Variants in IGFBP7 observed in about 807,000 individuals in gnomAD.
The protein encoded by IGFBP7 is insulin like growth factor binding protein 7, also known as insulin-like growth factor-binding protein 7.
A neutral mutation model predicts 29.4 loss-of-function variants in IGFBP7; 31 were observed. That is an observed-to-expected ratio of 1.05 (90% CI 0.79 to 1.42). The LOEUF is 1.42. IGFBP7 is among the 40% of genes most tolerant of loss of function. IGFBP7 has a pLI of 0.00. For missense variants in IGFBP7, 393 were observed against 395.5 expected (o/e 0.99, Z 0.05); for synonymous variants, 172 against 174.9 (o/e 0.98, Z 0.13).
chr4:57,100,104 C>T (rs1455788675), intron 1 of IGFBP7, among the ~76,000 whole-genome samples: 3 of 118,748 alleles, frequency 2.5e-5, no homozygotes, highest in Admixed American at 1.9e-4. Context: ...AGCGTCTCAC[C>T]TTGTCATCTA....
At chr4:57,032,331 T>C in intron 4 of IGFBP7, 95 bp downstream of exon 4, 1 of 1,522,904 alleles carries the variant, frequency 6.6e-7, no homozygotes, top group South Asian at 1.3e-5. Context: ...CAGAATTTCA[T>C]CAATAGCTAC....
At chr4:57,032,702 G>C in intron 3 of IGFBP7, 150 bp from the exon 4 acceptor site, 1 of 692,258 alleles carries the variant, frequency 1.4e-6, no homozygotes, top group South Asian at 1.6e-5. Flanking sequence ...CCTGTGATAG[G>C]AGACTTCGAT....
intron 1 of IGFBP7, among the ~76,000 whole-genome samples, chr4:57,060,547 C>T (rs910901363): frequency 2.0e-5 from 3 of 152,174 alleles, no homozygotes; most frequent in Non-Finnish European, 2.9e-5. Context: ...CTTTCTTACT[C>T]AGGCACCAGT....
At chr4:57,105,954 A>T (rs1055777595) in intron 1 of IGFBP7, among the ~76,000 whole-genome samples, 17 of 140,028 alleles carry the variant, frequency 1.2e-4, no homozygotes, top group Admixed American at 4.6e-4. Flanking sequence ...TTGCCCAGGC[A>T]GGAGTGCAGT....
intron 1 of IGFBP7, among the ~76,000 whole-genome samples, chr4:57,042,360 A>AT (rs113145651): frequency 0.18 from 28,081 of 151,948 alleles, 3,845 homozygotes; most frequent in African/African-American, 0.38. Context: ...GAAAAATTTT[A>AT]TTTTTTTGAG....
At chr4:57,084,496 G>A (rs964483678) in intron 1 of IGFBP7, among the ~76,000 whole-genome samples, 3 of 152,048 alleles carry the variant, frequency 2.0e-5, no homozygotes, top group South Asian at 2.1e-4. Context: ...TTCTGATGTC[G>A]GCAGTTTAAA....
chr4:57,072,132 C>G (rs1485335888), intron 1 of IGFBP7, among the ~76,000 whole-genome samples: 2 of 152,024 alleles, frequency 1.3e-5, no homozygotes, highest in East Asian at 3.9e-4. Flanking sequence ...ATCTTTCCTG[C>G]TCCTCTCCCT....
intron 1 of IGFBP7, among the ~76,000 whole-genome samples, chr4:57,084,155 C>T (rs543688354): frequency 3.3e-5 from 5 of 152,162 alleles, no homozygotes; most frequent in African/African-American, 1.2e-4. Context: ...TAATTTTGTT[C>T]GCATTTTTGC....
At position 57,073,033 on chromosome 4, in the gene IGFBP7, G is replaced by A. The variant is rs574548951; in HGVS notation, c.476-32100C>T. 688 of 1,236,574 alleles carry A rather than the reference G, an allele frequency of 5.6e-4. 1 individual carries two copies. Among genetic ancestry groups the A allele is most frequent in the Middle Eastern group, 5.4e-3 (25 of 4,598 alleles). The allele number at this position is 1,236,574 out of a possible 1,614,324, so 76.6% of individuals were successfully genotyped here. On this transcript the variant is annotated intron_variant, in intron 1 of 4. Transcript: ENST00000295666. ...GAGGCAAACCCAACATTGATAGCTC[G>A]TTGAACAGGCATGCTGCCAAGCTCT...
chr4:57,039,931 CT>C (rs66596505), intron 2 of IGFBP7, among the ~76,000 whole-genome samples: 118,607 of 151,502 alleles, frequency 0.78, 47,149 homozygotes, highest in South Asian at 0.94. Context: ...CAGCCTCACA[CT>C]TTTTTTTTTC....
In IGFBP7 at chr4:57,063,649, G is replaced by A. The variant is rs921897220; in HGVS notation, c.476-22716C>T. Among the ~76,000 whole-genome samples the A allele has an allele frequency of 3.3e-5, 5 of 152,126 alleles. No homozygotes were observed. The East Asian group carries it at 9.7e-4, about 29-fold the overall frequency. ...CTTTTATTCCACAGTTTGTAGAAGGGCATGGTTTAGCATTTGGAAAAGATT... is the reference window on the plus strand; with the variant it reads ...CTTTTATTCCACAGTTTGTAGAAGGACATGGTTTAGCATTTGGAAAAGATT... On this transcript the variant is annotated intron_variant, in intron 1 of 4. Transcript: ENST00000295666.
chr4:57,055,429 G>A (rs1402323117), intron 1 of IGFBP7, among the ~76,000 whole-genome samples: 1 of 152,210 alleles, frequency 6.6e-6, no homozygotes, highest in Non-Finnish European at 1.5e-5. Flanking sequence ...AAGACAGGAA[G>A]GTGGAAAGTT....
intron 1 of IGFBP7, among the ~76,000 whole-genome samples, chr4:57,097,971 C>T (rs1284298451): frequency 2.6e-5 from 4 of 152,120 alleles, no homozygotes; most frequent in Non-Finnish European, 5.9e-5. Context: ...TCTCTCCTAC[C>T]CCTTGGGCTT....
At chr4:57,034,373 G>T (rs998679390) in intron 2 of IGFBP7, among the ~76,000 whole-genome samples, 1 of 151,644 alleles carries the variant, frequency 6.6e-6, no homozygotes, top group Non-Finnish European at 1.5e-5. Context: ...AAGGATATAC[G>T]AATTGTTTGT....
chr4:57,097,352 G>C (rs572543341), intron 1 of IGFBP7, among the ~76,000 whole-genome samples: 110 of 152,296 alleles, frequency 7.2e-4, no homozygotes, highest in Non-Finnish European at 3.2e-4. Flanking sequence ...TCCAAGAGAT[G>C]GGCAGAACTC....
intron 1 of IGFBP7, among the ~76,000 whole-genome samples, chr4:57,053,943 C>T (rs1365663578): frequency 3.3e-5 from 5 of 152,172 alleles, no homozygotes; most frequent in Non-Finnish European, 7.3e-5. Context: ...TTATTGCTAA[C>T]CACGTGGATG....
intron 1 of IGFBP7, among the ~76,000 whole-genome samples, chr4:57,055,875 C>T (rs1451374569): frequency 6.6e-6 from 1 of 152,048 alleles, no homozygotes; most frequent in Non-Finnish European, 1.5e-5. Flanking sequence ...TGGCTTTAAG[C>T]GGGCAAGGAG....
At chr4:57,065,900 C>T (rs915303915) in intron 1 of IGFBP7, among the ~76,000 whole-genome samples, 33 of 152,196 alleles carry the variant, frequency 2.2e-4, no homozygotes, top group African/African-American at 6.0e-4. Flanking sequence ...GCTCCACGGT[C>T]CTCACTCCCA....
intron 1 of IGFBP7, among the ~76,000 whole-genome samples, chr4:57,064,257 G>A (rs772941863): frequency 2.0e-4 from 30 of 152,226 alleles, no homozygotes; most frequent in Non-Finnish European, 2.5e-4. Context: ...GGGAGGCTAA[G>A]GTGGTTGGAT....
Sources: gnomAD v4.1 joint callset for allele counts (sites outside exome capture counted in the v4.1 genomes callset) on GRCh38, gnomAD v4.1.1 for gene constraint, MANE v1.5 for transcripts, NCBI Gene and HGNC (gene_info 2026-07-23, HGNC 2026-07-21) for gene names.